ROBO1: variants seen among roughly 807,000 people sequenced by gnomAD.
ROBO1 encodes roundabout homolog 1.
In ROBO1, 149 loss-of-function variants were observed where a neutral mutation model predicts 195.9. That is an observed-to-expected ratio of 0.76 (90% CI 0.67 to 0.87). ROBO1 has a LOEUF of 0.87. Ranked by LOEUF, ROBO1 falls within the 40% of genes least tolerant of loss-of-function variation. ROBO1 has a pLI of 0.00. For synonymous variants in ROBO1, 816 were observed against 733.2 expected (o/e 1.11, Z -1.82); for missense variants, 1,933 against 2,068.3 (o/e 0.93, Z 1.27).
At chr3:78,724,309 C>G (rs1162153519) in intron 5 of ROBO1, among the ~76,000 whole-genome samples, 1 of 151,854 alleles carries the variant, frequency 6.6e-6, no homozygotes, top group African/African-American at 2.4e-5. Flanking sequence ...AACAAAAGAA[C>G]AGAAAAACAA....
rs537980286 is a variant in ROBO1 at position 79,618,876 on chromosome 3, C to T, written c.-50-28915G>A. Among the ~76,000 whole-genome samples the T allele has an allele frequency of 2.6e-5, 4 of 152,276 alleles. No individual in the cohort carries two copies. The South Asian group carries it at 8.3e-4, about 32-fold the overall frequency. On this transcript the variant is annotated intron_variant, in intron 1 of 30. Coordinates refer to ENST00000464233, the MANE Select transcript of ROBO1 (RefSeq NM_002941.4). ...CTACCCTTCAATCTCCCTGTCCTTCCAATTCCAGTTATTTTTCCTCTCTGG... is the reference window on the plus strand; with the variant it reads ...CTACCCTTCAATCTCCCTGTCCTTCTAATTCCAGTTATTTTTCCTCTCTGG...
intron 1 of ROBO1, among the ~76,000 whole-genome samples, chr3:79,668,754 G>A (rs1410266256): frequency 6.6e-6 from 1 of 151,740 alleles, no homozygotes; most frequent in East Asian, 1.9e-4. Flanking sequence ...CAACCTAAAT[G>A]TAAGAAAAAG....
intron 2 of ROBO1, among the ~76,000 whole-genome samples, chr3:79,388,804 A>G (rs1409913768): frequency 6.6e-6 from 1 of 152,140 alleles, no homozygotes; most frequent in Non-Finnish European, 1.5e-5. Context: ...CAAACATACC[A>G]GTTATAATTT....
At chr3:78,863,580 G>T (rs1193275363) in intron 4 of ROBO1, among the ~76,000 whole-genome samples, 1 of 152,152 alleles carries the variant, frequency 6.6e-6, no homozygotes, top group Non-Finnish European at 1.5e-5. Context: ...CTCAGAAACT[G>T]CAGGACTAAA....
chr3:78,598,892 T>C lies in ROBO1; in HGVS notation c.*21A>G. ...TGAGTGATGATTTTCACATTAGATC[T>C]CATAAGCCTCTTGGTTGTCTTCAGC... On this transcript the variant is annotated 3_prime_UTR_variant, in exon 31 of 31. Coordinates refer to ENST00000464233, the MANE Select transcript of ROBO1 (RefSeq NM_002941.4). 6.5e-7 allele frequency: 1 copy of C among 1,539,188 alleles called. No homozygotes were observed. The highest frequency in any genetic ancestry group is 1.9e-5 in the Admixed American group (1 of 53,442).
intron 3 of ROBO1, among the ~76,000 whole-genome samples, chr3:79,071,400 C>A (rs566745281): frequency 2.6e-5 from 4 of 151,280 alleles, no homozygotes; most frequent in South Asian, 4.2e-4. Context: ...TTGGTAATTT[C>A]TTTCTCTTTA....
intron 2 of ROBO1, among the ~76,000 whole-genome samples, chr3:79,569,988 C>T (rs973393908): frequency 2.6e-5 from 4 of 151,962 alleles, no homozygotes; most frequent in African/African-American, 9.7e-5. Flanking sequence ...GTAGTCCCAG[C>T]TAGTGGGATG....
chr3:78,839,578 A>G lies in ROBO1; in HGVS notation c.500-92678T>C, dbSNP rs143576859. 5.1e-3 allele frequency among the ~76,000 whole-genome samples: 771 copies of G among 152,240 alleles called. 5 individuals are homozygous for G. Among genetic ancestry groups the G allele is most frequent in the African/African-American group, 0.018 (739 of 41,530 alleles). On this transcript the variant is annotated intron_variant, in intron 4 of 30. Transcript: ENST00000464233. ...AGTAATATTCATTAAATAATTTTCT[A>G]AAACAAAATCGTTTAGAATTGTGAT...
intron 1 of ROBO1, among the ~76,000 whole-genome samples, chr3:79,669,035 A>C (rs1300230677): frequency 6.6e-6 from 1 of 151,848 alleles, no homozygotes; most frequent in Non-Finnish European, 1.5e-5. Flanking sequence ...ATCCATCTTA[A>C]TGTCATTGAT....
intron 2 of ROBO1, among the ~76,000 whole-genome samples, chr3:79,364,592 A>C (rs534002691): frequency 6.6e-6 from 1 of 152,164 alleles, no homozygotes. Context: ...ATCACAAATC[A>C]GGCCTTAATC....
intron 1 of ROBO1, among the ~76,000 whole-genome samples, chr3:79,684,921 C>A (rs938233583): frequency 1.3e-5 from 2 of 152,072 alleles, no homozygotes; most frequent in Admixed American, 6.6e-5. Context: ...GGCAATCCTC[C>A]TGCCTCAGCC....
rs144138437 is a variant in ROBO1 at position 79,514,333 on chromosome 3, C to A, written c.88+75491G>T. 9.0e-3 allele frequency among the ~76,000 whole-genome samples: 1,367 copies of A among 152,258 alleles called. 12 individuals carry two copies. The highest frequency in any genetic ancestry group is 0.024 in the Middle Eastern group (7 of 294). On this transcript the variant is annotated intron_variant, in intron 2 of 30. Transcript: ENST00000464233. ...GGGTGGAGGAGTCAAATGAATTTCT[C>A]TCATATTTTTACAGCCTGGATTGCA...
chr3:78,656,537 G>C (rs563271941), intron 18 of ROBO1, among the ~76,000 whole-genome samples: 25 of 151,898 alleles, frequency 1.6e-4, no homozygotes, highest in Middle Eastern at 6.8e-3. Flanking sequence ...ATTTTTAGTA[G>C]AGACGGGGTT....
At chr3:79,368,396 C>G (rs1457513735) in intron 2 of ROBO1, among the ~76,000 whole-genome samples, 1 of 152,074 alleles carries the variant, frequency 6.6e-6, no homozygotes, top group Non-Finnish European at 1.5e-5. Context: ...CTAATTGATG[C>G]TATTACTACC....
chr3:79,248,374 C>CAAAAAAA (rs10559171), intron 2 of ROBO1, among the ~76,000 whole-genome samples: 21 of 36,174 alleles, frequency 5.8e-4, no homozygotes, highest in East Asian at 1.1e-3. Flanking sequence ...GAAGACAGAC[C>CAAAAAAA]AAAAAAAAAA....
intron 26 of ROBO1, among the ~76,000 whole-genome samples, chr3:78,622,808 T>C (rs770241741): frequency 3.3e-5 from 5 of 152,172 alleles, no homozygotes; most frequent in Non-Finnish European, 5.9e-5. Context: ...CCCCATGTTA[T>C]GAGAAGTCCA....
intron 2 of ROBO1, among the ~76,000 whole-genome samples, chr3:79,424,228 C>T (rs931423500): frequency 1.3e-5 from 2 of 152,040 alleles, no homozygotes; most frequent in African/African-American, 2.4e-5. Context: ...GAAAAGGTGA[C>T]TGAGGCACTC....
intron 2 of ROBO1, among the ~76,000 whole-genome samples, chr3:79,412,786 C>T (rs1575790569): frequency 6.8e-6 from 1 of 148,012 alleles, no homozygotes; most frequent in East Asian, 2.1e-4. Context: ...TGCAATGCAT[C>T]ATAAACACTG....
At chr3:78,965,209 C>T (rs1255818099) in intron 3 of ROBO1, among the ~76,000 whole-genome samples, 1 of 151,952 alleles carries the variant, frequency 6.6e-6, no homozygotes, top group East Asian at 1.9e-4. Flanking sequence ...TCTTCTAAAA[C>T]AATTTCCCTT....
Sources: allele counts gnomAD v4.1 joint callset (sites outside exome capture counted in the v4.1 genomes callset), GRCh38; gene constraint gnomAD v4.1.1; transcripts MANE v1.5; gene names NCBI Gene and HGNC (gene_info 2026-07-23, HGNC 2026-07-21).